Variants in NPAS2 observed in about 807,000 individuals in gnomAD.
NPAS2 encodes the protein neuronal PAS domain protein 2.
NPAS2 carries 23 observed loss-of-function variants against 107.5 expected under a neutral mutation model. That is an observed-to-expected ratio of 0.21 (90% CI 0.15 to 0.30). The LOEUF (loss-of-function observed/expected upper bound fraction) is 0.30, where lower values mean the gene tolerates loss of function less well. Among genes scored for constraint, NPAS2 ranks in the 10% least tolerant of loss-of-function variants. NPAS2 has a pLI of 1.00. For missense variants in NPAS2, 756 were observed against 1,043.3 expected (o/e 0.72, Z 3.79); for synonymous variants, 403 against 417.5 (o/e 0.97, Z 0.42).
intron 7 of NPAS2, among the ~76,000 whole-genome samples, chr2:100,952,227 C>T (rs552141214): frequency 1.5e-3 from 221 of 151,882 alleles, no homozygotes; most frequent in African/African-American, 4.9e-3. Flanking sequence ...CCAGTGGCCT[C>T]GTGCACAGAG....
chr2:100,948,657 C>T (rs1675045414), intron 6 of NPAS2, among the ~76,000 whole-genome samples: 1 of 152,088 alleles, frequency 6.6e-6, no homozygotes, highest in Non-Finnish European at 1.5e-5. Context: ...TAGTAAGAAA[C>T]AGTGCAAACA....
intron 2 of NPAS2, among the ~76,000 whole-genome samples, chr2:100,914,467 CT>C (rs1682748920): frequency 6.6e-6 from 1 of 152,118 alleles, no homozygotes. Flanking sequence ...TGGCGGATTC[CT>C]TTTGATGCTT....
intron 1 of NPAS2, among the ~76,000 whole-genome samples, chr2:100,868,462 C>T (rs1281205225): frequency 2.0e-5 from 3 of 152,134 alleles, no homozygotes; most frequent in Admixed American, 2.0e-4. Context: ...TGATTGTCTC[C>T]AGGAATAGAT....
intron 1 of NPAS2, among the ~76,000 whole-genome samples, chr2:100,886,165 A>T (rs1680687125): frequency 6.6e-6 from 1 of 152,218 alleles, no homozygotes; most frequent in African/African-American, 2.4e-5. Context: ...TTTGCATTGC[A>T]GAAGGCTCGT....
In NPAS2 at chr2:100,873,341, CAT is replaced by C. The variant is rs1182571813; in HGVS notation, c.-22-31386_-22-31385del. ...ACACACACACACACACACACACACA[CAT>C]ATATACATACACACATATGTGTATA... On this transcript the variant is annotated intron_variant, in intron 1 of 20. Coordinates refer to ENST00000335681, the MANE Select transcript of NPAS2 (RefSeq NM_002518.4). Among the ~76,000 whole-genome samples, 121 of 122,978 alleles carry C rather than the reference CAT, an allele frequency of 9.8e-4. 1 individual carries two copies. The highest frequency in any genetic ancestry group is 2.4e-3 in the Admixed American group (28 of 11,486). The allele number at this position is 122,978 out of a possible 152,430, so 80.7% of individuals were successfully genotyped here.
chr2:100,975,168 G>T lies in NPAS2; in HGVS notation c.1282+224G>T, dbSNP rs908441841. ...GCCAAGCAAAGACATTGAGTGGGTT[G>T]TGCACAGATCTGATCCCTTGACTGC... On this transcript the variant is annotated intron_variant, in intron 13 of 20. Coordinates refer to ENST00000335681, the MANE Select transcript of NPAS2 (RefSeq NM_002518.4). 5 of 600,736 alleles carry T rather than the reference G, an allele frequency of 8.3e-6. No individual in the cohort carries two copies. The African/African-American group carries it at 9.3e-5, about 11-fold the overall frequency. 37.2% of individuals were successfully genotyped at this position (600,736 alleles called of 1,614,324 possible). A position where few individuals can be genotyped will look rare whatever the true frequency, so the allele number is the denominator to read the frequency against.
Position 100,967,189 on chromosome 2 carries a change from G to T in NPAS2, c.908-1092G>T, listed in dbSNP as rs192697869. On this transcript the variant is annotated intron_variant, in intron 10 of 20. Coordinates refer to ENST00000335681, the MANE Select transcript of NPAS2 (RefSeq NM_002518.4). ...CCTGTGGAGCCCACACCCTCAATCT[G>T]CTGGGCTTATCTCCTCTTCAGATAA... Among the ~76,000 whole-genome samples, 29 of 150,092 alleles carry T rather than the reference G, an allele frequency of 1.9e-4. No homozygotes were observed. The East Asian group carries it at 4.7e-3, about 25-fold the overall frequency.
chr2:100,850,953 C>CA (rs148858541), intron 1 of NPAS2, among the ~76,000 whole-genome samples: 20,388 of 41,702 alleles, frequency 0.49, 7,401 homozygotes, highest in Non-Finnish European at 0.61. Flanking sequence ...AACTCTGTCT[C>CA]AAAAAAAAAA....
intron 16 of NPAS2, chr2:100,986,954 TA>T (rs1170765433): frequency 2.0e-5 from 3 of 152,256 alleles, no homozygotes; most frequent in Admixed American, 6.5e-5. Flanking sequence ...TATTCATTTT[TA>T]AGACAGAGTC....
At chr2:100,980,723 G>A (rs1180064156) in intron 15 of NPAS2, among the ~76,000 whole-genome samples, 4 of 152,046 alleles carry the variant, frequency 2.6e-5, no homozygotes, top group African/African-American at 7.2e-5. Flanking sequence ...CGCCCACCTC[G>A]GCCTCTCAAA....
intron 1 of NPAS2, among the ~76,000 whole-genome samples, chr2:100,839,009 C>T (rs1451585377): frequency 6.6e-6 from 1 of 152,160 alleles, no homozygotes; most frequent in African/African-American, 2.4e-5. Context: ...CCTGCCTCCC[C>T]TTCCCTTCCT....
chr2:100,955,151 G>C (rs1247396668), intron 7 of NPAS2, among the ~76,000 whole-genome samples: 1 of 152,076 alleles, frequency 6.6e-6, no homozygotes, highest in African/African-American at 2.4e-5. Flanking sequence ...ATTTTTATAG[G>C]ACACTTGCTC....
At chr2:100,881,609 C>T (rs1402993572) in intron 1 of NPAS2, among the ~76,000 whole-genome samples, 1 of 152,096 alleles carries the variant, frequency 6.6e-6, no homozygotes, top group African/African-American at 2.4e-5. Context: ...TCACTTGAAC[C>T]CAGGAGGCGG....
chr2:100,896,398 A>G (rs937417483), intron 1 of NPAS2, among the ~76,000 whole-genome samples: 4 of 152,206 alleles, frequency 2.6e-5, no homozygotes, highest in Non-Finnish European at 5.9e-5. Context: ...TCTGTCCCCA[A>G]GCCTGTGTCT....
At chr2:100,909,844 T>A (rs142256365) in intron 2 of NPAS2, among the ~76,000 whole-genome samples, 1 of 152,292 alleles carries the variant, frequency 6.6e-6, no homozygotes, top group Non-Finnish European at 1.5e-5. Flanking sequence ...GATGAGTGAT[T>A]CTGTTCTCAA....
intron 17 of NPAS2, chr2:100,989,730 G>A (rs1210189972): frequency 6.6e-6 from 1 of 152,506 alleles, no homozygotes; most frequent in Non-Finnish European, 1.5e-5. Context: ...TGAGGAGAGA[G>A]ACGAACATGT....
rs1461397337 is a variant in NPAS2, at chr2:100,970,383, C to T, written c.1056-607C>T. ...AGGCGTTCCGGAGGCCCAGGAGCCA[C>T]GTTGCTTTCCAAGGCCTCTTGCCCC... On this transcript the variant is annotated intron_variant, in intron 11 of 20. Coordinates refer to ENST00000335681, the MANE Select transcript of NPAS2 (RefSeq NM_002518.4). 2.0e-5 allele frequency among the ~76,000 whole-genome samples: 3 copies of T among 152,248 alleles called. No homozygotes were observed. The East Asian group carries it at 5.8e-4, about 29-fold the overall frequency.
rs933436359 is a variant in NPAS2 at position 100,906,547 on chromosome 2, C to T, written c.32+1761C>T. Among the ~76,000 whole-genome samples, 8 of 152,348 alleles carry T rather than the reference C, an allele frequency of 5.3e-5. No homozygotes were observed. The East Asian group carries it at 1.5e-3, about 29-fold the overall frequency. On this transcript the variant is annotated intron_variant, in intron 2 of 20. Coordinates refer to ENST00000335681, the MANE Select transcript of NPAS2 (RefSeq NM_002518.4). ...AGTGCTTTTTAAATATTCATCATTACATGTGTATGAATATGCAGCACACTT... is the reference window on the plus strand; with the variant it reads ...AGTGCTTTTTAAATATTCATCATTATATGTGTATGAATATGCAGCACACTT...
chr2:100,826,232 A>G (rs1676368038), intron 1 of NPAS2, among the ~76,000 whole-genome samples: 1 of 152,216 alleles, frequency 6.6e-6, no homozygotes. Flanking sequence ...TCACGAGGTC[A>G]GGAGTTCGAG....
Sources: allele counts gnomAD v4.1 joint callset (sites outside exome capture counted in the v4.1 genomes callset), GRCh38; gene constraint gnomAD v4.1.1; transcripts MANE v1.5; gene names NCBI Gene and HGNC (gene_info 2026-07-23, HGNC 2026-07-21).